Variants in SLC25A12 observed in about 807,000 individuals in gnomAD.
SLC25A12 encodes solute carrier family 25 member 12, also known as electrogenic aspartate/glutamate antiporter SLC25A12, mitochondrial.
A neutral mutation model predicts 83.3 loss-of-function variants in SLC25A12; 32 were observed. That is an observed-to-expected ratio of 0.38 (90% CI 0.29 to 0.52). The LOEUF (loss-of-function observed/expected upper bound fraction) is 0.52. Among genes scored for constraint, SLC25A12 ranks in the 20% least tolerant of loss-of-function variants. SLC25A12 has a pLI of 0.84. For synonymous variants in SLC25A12, 267 were observed against 291.1 expected (o/e 0.92, Z 0.84); for missense variants, 611 against 835.6 (o/e 0.73, Z 3.31).
chr2:171,866,094 A>G (rs1685289632), intron 3 of SLC25A12, among the ~76,000 whole-genome samples: 3 of 131,914 alleles, frequency 2.3e-5, no homozygotes, highest in Non-Finnish European at 4.8e-5. Flanking sequence ...CACATCTTGC[A>G]CCGCCCTTAA....
intron 9 of SLC25A12, among the ~76,000 whole-genome samples, chr2:171,821,579 A>G (rs1684194282): frequency 6.6e-6 from 1 of 152,184 alleles, no homozygotes; most frequent in African/African-American, 2.4e-5. Context: ...GTTTTCTTGT[A>G]CTAATGATAT....
chr2:171,849,422 C>G (rs1431482148), intron 4 of SLC25A12, among the ~76,000 whole-genome samples: 1 of 151,562 alleles, frequency 6.6e-6, no homozygotes, highest in Non-Finnish European at 1.5e-5. Context: ...ATCAAAAAAT[C>G]TTCCTGATTT....
At chr2:171,834,611 T>A (rs553562347) in intron 7 of SLC25A12, 116 bp downstream of exon 7, 2 of 1,189,062 alleles carry the variant, frequency 1.7e-6, no homozygotes, top group South Asian at 2.5e-5. Flanking sequence ...TACATACACA[T>A]GGTAACATAC....
At chr2:171,809,351 T>A in intron 13 of SLC25A12, 1 of 489,964 alleles carries the variant, frequency 2.0e-6, no homozygotes, top group South Asian at 2.2e-5. Context: ...TTTCTCCACA[T>A]CCTCTCCAGC....
At chr2:171,804,702 A>G (rs1296770827) in intron 13 of SLC25A12, among the ~76,000 whole-genome samples, 2 of 152,220 alleles carry the variant, frequency 1.3e-5, no homozygotes, top group East Asian at 3.8e-4. Context: ...GCTTGAGGCC[A>G]GGAGCTCAAG....
At chr2:171,845,773 C>A (rs1684784405) in intron 4 of SLC25A12, 1 of 454,730 alleles carries the variant, frequency 2.2e-6, no homozygotes, top group South Asian at 1.6e-5. Context: ...CAGCAATCAG[C>A]AAAGTTGGAA....
At chr2:171,846,860 G>A (rs556379171) in intron 4 of SLC25A12, among the ~76,000 whole-genome samples, 101 of 152,236 alleles carry the variant, frequency 6.6e-4, no homozygotes, top group Non-Finnish European at 1.2e-3. Flanking sequence ...AATTTATAAT[G>A]TATAATTTAC....
chr2:171,852,677 A>T, intron 4 of SLC25A12: 1 of 455,650 alleles, frequency 2.2e-6, no homozygotes. Flanking sequence ...CCTTTACCCC[A>T]GATCCAAAAT....
At chr2:171,854,194 A>G (rs138093480) in intron 4 of SLC25A12, among the ~76,000 whole-genome samples, 149 of 152,352 alleles carry the variant, frequency 9.8e-4, no homozygotes, top group Middle Eastern at 3.4e-3. Flanking sequence ...GAGGAAAGTC[A>G]ACATTCTTCA....
chr2:171,844,277 A>T, intron 5 of SLC25A12, 92 bp downstream of exon 5: 18 of 1,373,220 alleles, frequency 1.3e-5, no homozygotes, highest in Non-Finnish European at 1.9e-5. Context: ...TACCATGGAG[A>T]ACTTCTATTT....
chr2:171,869,422 T>A (rs1197399005), intron 2 of SLC25A12, among the ~76,000 whole-genome samples: 1 of 152,140 alleles, frequency 6.6e-6, no homozygotes, highest in Non-Finnish European at 1.5e-5. Flanking sequence ...AGCCAGGACC[T>A]GAAAGTGACT....
At chr2:171,862,062 A>G (rs562128992) in intron 3 of SLC25A12, among the ~76,000 whole-genome samples, 1 of 152,358 alleles carries the variant, frequency 6.6e-6, no homozygotes, top group East Asian at 1.9e-4. Context: ...TATTAATGTT[A>G]ATTTTATAAT....
At chr2:171,888,859 G>A (rs900850913) in intron 2 of SLC25A12, among the ~76,000 whole-genome samples, 4 of 152,116 alleles carry the variant, frequency 2.6e-5, no homozygotes, top group Non-Finnish European at 5.9e-5. Flanking sequence ...TAATGCCACA[G>A]ATCTACATTT....
At chr2:171,888,689 C>T (rs930458178) in intron 2 of SLC25A12, among the ~76,000 whole-genome samples, 8 of 152,038 alleles carry the variant, frequency 5.3e-5, no homozygotes, top group Admixed American at 6.6e-5. Flanking sequence ...GTGATCCACC[C>T]GCCTCAGCCT....
intron 5 of SLC25A12, among the ~76,000 whole-genome samples, chr2:171,837,573 G>GT (rs1253388397): frequency 6.6e-6 from 1 of 152,266 alleles, no homozygotes; most frequent in Admixed American, 6.5e-5. Flanking sequence ...AGAGAATAAT[G>GT]TTTTTGGTGC....
chr2:171,805,873 C>A (rs1009016651), intron 13 of SLC25A12, among the ~76,000 whole-genome samples: 1 of 152,196 alleles, frequency 6.6e-6, no homozygotes, highest in Non-Finnish European at 1.5e-5. Context: ...AACTAGGAGG[C>A]CAAGGCAGGT....
intron 3 of SLC25A12, among the ~76,000 whole-genome samples, chr2:171,867,053 G>A (rs1309842689): frequency 2.0e-5 from 3 of 147,784 alleles, no homozygotes; most frequent in Non-Finnish European, 3.0e-5. Flanking sequence ...GGGCAGAGGC[G>A]CTCCCCACAT....
intron 9 of SLC25A12, among the ~76,000 whole-genome samples, chr2:171,820,707 G>A (rs1412259303): frequency 1.5e-5 from 2 of 129,130 alleles, no homozygotes; most frequent in South Asian, 5.5e-4. Context: ...CAGCCTGGGC[G>A]ACAGAGCGAG....
chr2:171,850,666 A>C (rs1684909430), intron 4 of SLC25A12, among the ~76,000 whole-genome samples: 1 of 146,644 alleles, frequency 6.8e-6, no homozygotes, highest in Non-Finnish European at 1.5e-5. Flanking sequence ...CACCCGGCCC[A>C]GCCAGGCTGG....
Sources: gnomAD v4.1 joint callset for allele counts (sites outside exome capture counted in the v4.1 genomes callset) on GRCh38, gnomAD v4.1.1 for gene constraint, MANE v1.5 for transcripts, NCBI Gene and HGNC (gene_info 2026-07-23, HGNC 2026-07-21) for gene names.